LRRC37A2: variants seen among roughly 807,000 people sequenced by gnomAD.
LRRC37A2 encodes leucine-rich repeat-containing protein 37A2.
A neutral mutation model predicts 68.8 loss-of-function variants in LRRC37A2; 9 were observed. The ratio of observed to expected loss-of-function variants is 0.13; its 90% CI spans 0.08 to 0.23. LRRC37A2 has a LOEUF of 0.23. LRRC37A2 is among the 10% of genes least tolerant of loss of function. The probability of loss-of-function intolerance (pLI) is 1.00; values close to 1 mark genes in which losing one functional copy is unlikely to be tolerated. For synonymous variants in LRRC37A2, 63 were observed against 367.6 expected, an observed-to-expected ratio of 0.17 and a Z score of 9.48; for missense variants, 168 against 950.4, an observed-to-expected ratio of 0.18 and a Z score of 10.82.
the LRRC37A2 span, among the ~76,000 whole-genome samples, chr17:46,852,183 G>A: frequency 6.6e-6 from 1 of 152,262 alleles, no homozygotes; most frequent in Non-Finnish European, 1.5e-5. Flanking sequence ...CGGAGACCGA[G>A]AGGGCTGGGT....
the LRRC37A2 span, among the ~76,000 whole-genome samples, chr17:46,948,239 G>A: frequency 2.0e-5 from 3 of 152,188 alleles, no homozygotes; most frequent in African/African-American, 7.2e-5. Flanking sequence ...CATCTCACAG[G>A]GCAGCTGTGG....
chr17:46,769,978 G>A, the LRRC37A2 span: 5 of 1,609,786 alleles, frequency 3.1e-6, no homozygotes, highest in South Asian at 3.3e-5. Context: ...TGCCCTCGGC[G>A]CAGGAGCGGG....
chr17:47,029,086 G>A, the LRRC37A2 span, among the ~76,000 whole-genome samples: 21 of 152,226 alleles, frequency 1.4e-4, no homozygotes, highest in East Asian at 3.9e-4. Flanking sequence ...GCTGAGGCAC[G>A]AGAATGGCTT....
the LRRC37A2 span, among the ~76,000 whole-genome samples, chr17:46,843,851 C>T: frequency 2.6e-5 from 4 of 152,216 alleles, no homozygotes; most frequent in Non-Finnish European, 5.9e-5. Flanking sequence ...ACTGTGTGCT[C>T]CTCAAGGACA....
chr17:47,021,677 C>T, the LRRC37A2 span: 2 of 694,868 alleles, frequency 2.9e-6, no homozygotes, highest in Admixed American at 2.9e-5. Context: ...CCAGTGACCC[C>T]GCATAATTTC....
At chr17:46,770,640 C>T in the LRRC37A2 span, among the ~76,000 whole-genome samples, 1 of 152,162 alleles carries the variant, frequency 6.6e-6, no homozygotes, top group Non-Finnish European at 1.5e-5. Flanking sequence ...ACCAGGAGGG[C>T]AGTGGCCCGT....
chr17:46,803,024 G>A, the LRRC37A2 span, among the ~76,000 whole-genome samples: 5 of 152,186 alleles, frequency 3.3e-5, no homozygotes, highest in Admixed American at 3.3e-4. Context: ...GGCTGTCCTG[G>A]GAACTAAGAC....
At chr17:46,939,901 C>G in the LRRC37A2 span, 1 of 993,408 alleles carries the variant, frequency 1.0e-6, no homozygotes, top group Non-Finnish European at 1.2e-6. Context: ...CTCAGAAAGA[C>G]CTGGTTAGTG....
At chr17:46,898,971 T>G in the LRRC37A2 span, among the ~76,000 whole-genome samples, 1 of 152,192 alleles carries the variant, frequency 6.6e-6, no homozygotes, top group African/African-American at 2.4e-5. Flanking sequence ...TGAATGTTCA[T>G]AGCAGCATTA....
the LRRC37A2 span, among the ~76,000 whole-genome samples, chr17:46,893,004 T>C: frequency 6.6e-6 from 1 of 152,056 alleles, no homozygotes; most frequent in East Asian, 1.9e-4. Context: ...GGTGCGATCT[T>C]GGCACACTGC....
At chr17:46,796,553 A>T in the LRRC37A2 span, among the ~76,000 whole-genome samples, 2 of 152,206 alleles carry the variant, frequency 1.3e-5, no homozygotes, top group Non-Finnish European at 2.9e-5. Flanking sequence ...GAGAGATCCC[A>T]TCTGTATGTC....
the LRRC37A2 span, among the ~76,000 whole-genome samples, chr17:46,794,436 A>G: frequency 6.6e-6 from 1 of 152,174 alleles, no homozygotes; most frequent in African/African-American, 2.4e-5. Flanking sequence ...CTTGGGGGTC[A>G]TCTGGTCCAG....
At chr17:46,780,046 C>T in the LRRC37A2 span, among the ~76,000 whole-genome samples, 1 of 152,204 alleles carries the variant, frequency 6.6e-6, no homozygotes, top group African/African-American at 2.4e-5. Flanking sequence ...CGTAAGCCAC[C>T]ATGCCTGGCC....
the LRRC37A2 span, among the ~76,000 whole-genome samples, chr17:47,034,343 T>C: frequency 6.6e-6 from 1 of 152,214 alleles, no homozygotes; most frequent in African/African-American, 2.4e-5. Flanking sequence ...AAGAATGCCT[T>C]AGAACAGGAG....
At chr17:46,973,189 C>T in the LRRC37A2 span, 2 of 153,834 alleles carry the variant, frequency 1.3e-5, no homozygotes, top group Middle Eastern at 5.2e-4. Context: ...GCCATTTCTG[C>T]TGTACCCACT....
chr17:46,626,071 T>C, the LRRC37A2 span, among the ~76,000 whole-genome samples: 1 of 144,994 alleles, frequency 6.9e-6, no homozygotes, highest in Non-Finnish European at 1.5e-5. Context: ...AATATTGATA[T>C]CTACATGAAA....
the LRRC37A2 span, among the ~76,000 whole-genome samples, chr17:46,404,756 G>C: frequency 2.0e-5 from 2 of 97,730 alleles, 1 homozygote; most frequent in African/African-American, 6.6e-5. Context: ...TGTAGTCCCA[G>C]CTACTTGGGA....
chr17:46,941,822 G>A, the LRRC37A2 span: 1 of 448,884 alleles, frequency 2.2e-6, no homozygotes, highest in Non-Finnish European at 2.9e-6. Context: ...CTGGCCTCAA[G>A]TGATCTGCCT....
the LRRC37A2 span, chr17:46,937,687 C>T: frequency 6.6e-6 from 1 of 152,218 alleles, no homozygotes; most frequent in Admixed American, 6.5e-5. Flanking sequence ...ATTCATGCTA[C>T]TCTTTTCTAT....
Sources: gnomAD v4.1 joint callset for allele counts (sites outside exome capture counted in the v4.1 genomes callset) on GRCh38, gnomAD v4.1.1 for gene constraint, MANE v1.5 for transcripts, NCBI Gene and HGNC (gene_info 2026-07-23, HGNC 2026-07-21) for gene names.